WLS: variants seen among roughly 807,000 people sequenced by gnomAD.
The protein encoded by WLS is protein wntless homolog.
Under a neutral mutation model 62.8 loss-of-function variants are expected in WLS, and 23 were observed. The observed-to-expected ratio is 0.37, with a 90% CI of 0.26 to 0.52. The LOEUF (loss-of-function observed/expected upper bound fraction) is 0.52, where lower values mean the gene tolerates loss of function less well. Ranked by LOEUF, WLS falls within the 20% of genes least tolerant of loss-of-function variation. The pLI, the probability that WLS is intolerant of heterozygous loss-of-function variation, is 0.92. For synonymous variants in WLS, 246 were observed against 244.1 expected (o/e 1.01, Z -0.07); for missense variants, 615 against 697.3 (o/e 0.88, Z 1.33).
intron 2 of WLS, among the ~76,000 whole-genome samples, chr1:68,159,899 A>G (rs940633533): frequency 7.9e-5 from 12 of 152,212 alleles, no homozygotes; most frequent in African/African-American, 2.9e-4. Flanking sequence ...AGATAGGAAT[A>G]ATACATAATT....
Position 68,150,354 on chromosome 1 carries a change from ACT to A in WLS, c.804_805del (p.Lys268AsnfsTer24). On this transcript the variant is annotated frameshift_variant and splice_region_variant, in exon 6 of 12. Transcript: ENST00000262348. LOFTEE classifies it high-confidence loss of function. ...CATGGAAATCCCAAGGGCAAAGATG[ACT>A]CTGATGGTGAGAAAATATCAGGACA... 1 of 1,613,834 alleles carries A rather than the reference ACT, an allele frequency of 6.2e-7. No homozygotes were observed. Among genetic ancestry groups the A allele is most frequent in the Non-Finnish European group, 8.5e-7 (1 of 1,179,884 alleles).
chr1:68,228,148 A>T, intron 1 of WLS: 1 of 379,972 alleles, frequency 2.6e-6, no homozygotes, highest in Non-Finnish European at 5.1e-6. Context: ...AAGGCCACTC[A>T]CATAAGTTAC....
At chr1:68,215,713 T>C (rs1649699171) in intron 1 of WLS, among the ~76,000 whole-genome samples, 1 of 152,250 alleles carries the variant, frequency 6.6e-6, no homozygotes, top group South Asian at 2.1e-4. Context: ...AATTTAATTT[T>C]ATCCATACTA....
intron 2 of WLS, among the ~76,000 whole-genome samples, chr1:68,191,683 ATGAG>A (rs1648313458): frequency 6.6e-6 from 1 of 152,214 alleles, no homozygotes; most frequent in Admixed American, 6.5e-5. Flanking sequence ...TGCACAACCA[ATGAG>A]TGAGTGAGTG....
chr1:68,155,092 C>A lies in WLS; in HGVS notation c.666+7G>T. 6.2e-7 allele frequency: 1 copy of A among 1,612,478 alleles called. No individual in the cohort carries two copies. Among genetic ancestry groups the A allele is most frequent in the South Asian group, 1.1e-5 (1 of 90,760 alleles). ...TACACATGTCAAGATCAATTACATTCACTTACCACCAACCGGATATCCTTT... is the reference window on the plus strand; with the variant it reads ...TACACATGTCAAGATCAATTACATTAACTTACCACCAACCGGATATCCTTT... On this transcript the variant is annotated splice_region_variant and intron_variant, in intron 4 of 11. Transcript: ENST00000262348.
At chr1:68,170,160 CTTTTT>C (rs571306573) in intron 2 of WLS, among the ~76,000 whole-genome samples, 27 of 86,782 alleles carry the variant, frequency 3.1e-4, no homozygotes, top group Middle Eastern at 8.9e-3. Flanking sequence ...GCTACTATTT[CTTTTT>C]TTTTTTTTTT....
intron 11 of WLS, among the ~76,000 whole-genome samples, chr1:68,131,837 T>C (rs1028200489): frequency 7.9e-5 from 12 of 152,004 alleles, no homozygotes; most frequent in Non-Finnish European, 1.6e-4. Context: ...TGGTGTCCTT[T>C]GAAAGAAAAG....
chr1:68,213,370 G>A (rs1438749533), intron 1 of WLS, among the ~76,000 whole-genome samples: 1 of 147,454 alleles, frequency 6.8e-6, no homozygotes, highest in East Asian at 2.0e-4. Flanking sequence ...AGAATCACTT[G>A]AACCCGGGAC....
chr1:68,137,421 T>C (rs1646626367), intron 11 of WLS, among the ~76,000 whole-genome samples: 1 of 152,216 alleles, frequency 6.6e-6, no homozygotes, highest in Non-Finnish European at 1.5e-5. Context: ...CTTAGGATTC[T>C]GCTTCTCAAA....
At position 68,232,518 on chromosome 1, in the gene WLS, G is replaced by A; in HGVS notation, c.-219C>T. On this transcript the variant is annotated 5_prime_UTR_variant, in exon 1 of 12. Coordinates refer to ENST00000262348, the MANE Select transcript of WLS (RefSeq NM_024911.7). The stretch of plus-strand genomic sequence containing the variant: ...GGGTTCCCCCAATGCCCGGAGCTGT[G>A]ATTGTGGCCGCTCCGCCGCCTGTGG... The A allele has an allele frequency of 1.1e-6, 1 of 900,346 alleles. No individual in the cohort carries two copies. The highest frequency in any genetic ancestry group is 2.5e-5 in the South Asian group (1 of 40,484). 55.8% of individuals were successfully genotyped at this position (900,346 alleles called of 1,614,324 possible).
chr1:68,182,907 G>A (rs1174482064), intron 2 of WLS, among the ~76,000 whole-genome samples: 1 of 152,142 alleles, frequency 6.6e-6, no homozygotes, highest in Non-Finnish European at 1.5e-5. Context: ...GAATGTTAGA[G>A]GTTTTTTTTG....
At chr1:68,231,706 G>T in intron 1 of WLS, 1 of 458,662 alleles carries the variant, frequency 2.2e-6, no homozygotes, top group South Asian at 1.5e-5. Context: ...TTACAACCGT[G>T]CAAGTATCTC....
chr1:68,118,875 CAAA>C (rs33982774), intron 11 of WLS, among the ~76,000 whole-genome samples: 3,953 of 25,538 alleles, frequency 0.15, 27 homozygotes, highest in African/African-American at 0.18. Context: ...GACTCTGTCT[CAAA>C]AAAAAAAAAA....
chr1:68,116,917 C>T (rs1011526310), intron 11 of WLS, among the ~76,000 whole-genome samples: 1 of 152,180 alleles, frequency 6.6e-6, no homozygotes, highest in African/African-American at 2.4e-5. Flanking sequence ...AGAACTGTCC[C>T]TCCTGAGCCA....
intron 11 of WLS, chr1:68,117,647 T>C (rs1646309850): frequency 6.6e-6 from 1 of 152,248 alleles, no homozygotes; most frequent in Non-Finnish European, 1.5e-5. Context: ...GCAGCTCTCG[T>C]GTTTCCTCTG....
At chr1:68,121,922 G>A (rs1282797350), downstream of WLS, among the ~76,000 whole-genome samples, 1 of 152,174 alleles carries the variant, frequency 6.6e-6, no homozygotes, top group Non-Finnish European at 1.5e-5. Context: ...TCTCTTCCAA[G>A]GACAGCAGTT....
chr1:68,124,859 G>A (rs1646406342), downstream of WLS, among the ~76,000 whole-genome samples: 1 of 152,154 alleles, frequency 6.6e-6, no homozygotes, highest in Non-Finnish European at 1.5e-5. Context: ...TCATGAAACT[G>A]GTTTTAGACT....
chr1:68,107,402 TAG>T (rs1056722287), intron 11 of WLS, among the ~76,000 whole-genome samples: 10 of 152,294 alleles, frequency 6.6e-5, no homozygotes, highest in African/African-American at 1.7e-4. Flanking sequence ...GGAGGATAGA[TAG>T]AGTGACAAGA....
intron 11 of WLS, among the ~76,000 whole-genome samples, chr1:68,108,802 T>G (rs764425994): frequency 1.7e-4 from 26 of 152,102 alleles, no homozygotes; most frequent in Non-Finnish European, 3.2e-4. Flanking sequence ...ATTAAAAAAT[T>G]GAGAGCTTTT....
Sources: gnomAD v4.1 joint callset for allele counts (sites outside exome capture counted in the v4.1 genomes callset) on GRCh38, gnomAD v4.1.1 for gene constraint, MANE v1.5 for transcripts, NCBI Gene and HGNC (gene_info 2026-07-23, HGNC 2026-07-21) for gene names.